The following NTRK3 variants were observed in gnomAD, a reference collection of about 807,000 sequenced individuals.
NTRK3 encodes the protein neurotrophic receptor tyrosine kinase 3, also known as NT-3 growth factor receptor.
In NTRK3, 24 loss-of-function variants were observed where a neutral mutation model predicts 91.7. The ratio of observed to expected loss-of-function variants is 0.26; its 90% CI spans 0.19 to 0.37. The LOEUF (loss-of-function observed/expected upper bound fraction) is 0.37, where lower values mean the gene tolerates loss of function less well. NTRK3 is among the 10% of genes least tolerant of loss of function. NTRK3 has a pLI of 1.00. For synonymous variants in NTRK3, 483 were observed against 404.0 expected (o/e 1.20, Z -2.34); for missense variants, 880 against 1,068.9 (o/e 0.82, Z 2.46).
chr15:87,987,290 C>T (rs2074895841), intron 14 of NTRK3, among the ~76,000 whole-genome samples: 1 of 152,184 alleles, frequency 6.6e-6, no homozygotes, highest in African/African-American at 2.4e-5. Context: ...GAACTTCCTA[C>T]CCCATCTTCC....
At chr15:88,093,344 A>G (rs1003563748) in intron 13 of NTRK3, among the ~76,000 whole-genome samples, 1 of 152,182 alleles carries the variant, frequency 6.6e-6, no homozygotes, top group Non-Finnish European at 1.5e-5. Context: ...ATATTCTCCT[A>G]TAACCACCAG....
At chr15:88,124,849 C>A (rs1371087336) in intron 13 of NTRK3, among the ~76,000 whole-genome samples, 2 of 152,234 alleles carry the variant, frequency 1.3e-5, no homozygotes, top group East Asian at 3.8e-4. Context: ...ACATGTCTTT[C>A]TCTTGGTCAA....
chr15:88,197,121 A>C (rs948126027), intron 3 of NTRK3, among the ~76,000 whole-genome samples: 3 of 144,750 alleles, frequency 2.1e-5, no homozygotes, highest in African/African-American at 5.4e-5. Context: ...AAAAAAAAAA[A>C]AAAAAACCTC....
intron 14 of NTRK3, among the ~76,000 whole-genome samples, chr15:88,018,820 T>C (rs1567235165): frequency 6.6e-6 from 1 of 152,170 alleles, no homozygotes; most frequent in African/African-American, 2.4e-5. Context: ...CTACGCAGTG[T>C]ATGATTTTAT....
intron 3 of NTRK3, among the ~76,000 whole-genome samples, chr15:88,198,966 A>G (rs1325014122): frequency 6.6e-6 from 1 of 152,100 alleles, no homozygotes; most frequent in Non-Finnish European, 1.5e-5. Context: ...CTCAGTCACA[A>G]ATTTCTCTGC....
At chr15:88,067,006 C>T (rs1038713890) in intron 13 of NTRK3, among the ~76,000 whole-genome samples, 3 of 152,220 alleles carry the variant, frequency 2.0e-5, no homozygotes, top group East Asian at 3.9e-4. Flanking sequence ...CACATTCTCC[C>T]AGGTCTGCCT....
intron 14 of NTRK3, among the ~76,000 whole-genome samples, chr15:88,010,751 C>A (rs921590823): frequency 1.0e-4 from 15 of 149,936 alleles, no homozygotes. Context: ...CACACACCCA[C>A]ACACACACAC....
intron 13 of NTRK3, among the ~76,000 whole-genome samples, chr15:88,085,075 T>A (rs527483957): frequency 1.3e-5 from 2 of 152,256 alleles, no homozygotes; most frequent in East Asian, 3.9e-4. Flanking sequence ...GAAAACAAGA[T>A]AGCCAATGTC....
chr15:88,160,394 G>T (rs1316399994), intron 5 of NTRK3, among the ~76,000 whole-genome samples: 1 of 152,202 alleles, frequency 6.6e-6, no homozygotes, highest in Non-Finnish European at 1.5e-5. Flanking sequence ...TTAGCTTAGT[G>T]CCTGAGGTAG....
intron 15 of NTRK3, among the ~76,000 whole-genome samples, chr15:87,939,457 G>A (rs1489436936): frequency 6.6e-6 from 1 of 152,188 alleles, no homozygotes; most frequent in Admixed American, 6.5e-5. Context: ...TTTGCACCCA[G>A]GCTCTTTGAT....
At chr15:87,928,958 A>G (rs1395400542) in intron 17 of NTRK3, 1 of 618,550 alleles carries the variant, frequency 1.6e-6, no homozygotes, top group African/African-American at 1.8e-5. Context: ...TGCAATGTAC[A>G]GATTACAGTT....
At chr15:88,227,772 A>C (rs2050805159) in intron 3 of NTRK3, among the ~76,000 whole-genome samples, 1 of 150,528 alleles carries the variant, frequency 6.6e-6, no homozygotes, top group Non-Finnish European at 1.5e-5. Context: ...CCCTTTACCC[A>C]CCTCAGTTCT....
chr15:88,159,943 TACACACACACACACACAC>T lies in NTRK3; in HGVS notation c.396-12558_396-12541del, dbSNP rs59254719. Among the ~76,000 whole-genome samples the T allele has an allele frequency of 6.0e-3, 667 of 112,046 alleles. 9 individuals are homozygous for T. The highest frequency in any genetic ancestry group is 0.02 in the African/African-American group (584 of 29,752). The allele number at this position is 112,046 out of a possible 152,430, so 73.5% of individuals were successfully genotyped here. The stretch of plus-strand genomic sequence containing the variant: ...TGCCTCCCCACCCCACCCAGCCTCC[TACACACACACACACACAC>T]ACACACACACACACACACACACACA... On this transcript the variant is annotated intron_variant, in intron 5 of 18. Coordinates refer to ENST00000394480, the Ensembl canonical transcript of NTRK3.
intron 17 of NTRK3, chr15:87,916,564 C>T (rs1167108390): frequency 1.4e-6 from 1 of 702,262 alleles, no homozygotes; most frequent in Non-Finnish European, 2.6e-6. Context: ...GCACAACCTT[C>T]AATGAGAGAA....
chr15:87,867,009 C>A (rs1042808870), exon 19 of NTRK3: 1 of 220,456 alleles, frequency 4.5e-6, no homozygotes, highest in African/African-American at 2.2e-5. Flanking sequence ...CAGAAAACAA[C>A]AGAGGAAATT....
intron 17 of NTRK3, 105 bp from the exon 19 acceptor site, chr15:87,880,533 C>G: frequency 1.6e-6 from 2 of 1,283,306 alleles, no homozygotes; most frequent in South Asian, 2.5e-5. Flanking sequence ...GCATCCTATT[C>G]TAAGATAGTC....
At chr15:87,975,391 G>A (rs1308356489) in intron 14 of NTRK3, among the ~76,000 whole-genome samples, 1 of 152,140 alleles carries the variant, frequency 6.6e-6, no homozygotes, top group Non-Finnish European at 1.5e-5. Flanking sequence ...CCCTGGGTTC[G>A]TGAACTGAGT....
intron 13 of NTRK3, among the ~76,000 whole-genome samples, chr15:88,074,309 G>A (rs1279621193): frequency 2.6e-5 from 4 of 152,244 alleles, no homozygotes; most frequent in Non-Finnish European, 5.9e-5. Context: ...GAATGATGAA[G>A]TGCATGGCAC....
At chr15:88,185,102 C>G (rs1006108382) in intron 3 of NTRK3, among the ~76,000 whole-genome samples, 1 of 152,206 alleles carries the variant, frequency 6.6e-6, no homozygotes, top group African/African-American at 2.4e-5. Context: ...AGTTTCTCCC[C>G]TTTTCATCAT....
Sources: allele counts gnomAD v4.1 joint callset (sites outside exome capture counted in the v4.1 genomes callset), GRCh38; gene constraint gnomAD v4.1.1; transcripts MANE v1.5; gene names NCBI Gene and HGNC (gene_info 2026-07-23, HGNC 2026-07-21).